ACAN: variants seen among roughly 807,000 people sequenced by gnomAD.
ACAN encodes the protein aggrecan, also known as aggrecan core protein.
ACAN carries 47 observed loss-of-function variants against 169.1 expected under a neutral mutation model. The ratio of observed to expected loss-of-function variants is 0.28; its 90% CI spans 0.22 to 0.35. The LOEUF (loss-of-function observed/expected upper bound fraction) is 0.35. ACAN is among the 10% of genes least tolerant of loss of function. The pLI is 1.00. For synonymous variants in ACAN, 1,115 were observed against 1,112.2 expected, an observed-to-expected ratio of 1.00 and a Z score of -0.05; for missense variants, 2,716 against 2,759.9, an observed-to-expected ratio of 0.98 and a Z score of 0.36.
Position 88,857,720 on chromosome 15 carries a change from G to A in ACAN, c.5135G>A (p.Gly1712Glu), listed in dbSNP as rs760776040. 4.3e-6 allele frequency: 7 copies of A among 1,613,866 alleles called. No homozygotes were observed. The highest frequency in any genetic ancestry group is 5.9e-6 in the Non-Finnish European group (7 of 1,179,906). ...GGGAGAGCTAGTGGACTCCCTTCAG[G>A]AACTGAACTCAGTGGCCAAGCATCT... is the stretch of plus-strand genomic sequence containing the variant. ...ISGRASGLPS[G>E]TELSGQASGS... is the part of the protein sequence containing the mutation. Residue 1712 changes from glycine (G) to glutamate (E), a missense_variant, in exon 12 of 19, where the codon GGA becomes GAA. Physicochemically the swap from Gly to Glu is moderately conservative, Grantham distance 98. Coordinates refer to ENST00000560601, the MANE Select transcript of ACAN (RefSeq NM_001369268.1).
intron 1 of ACAN, among the ~76,000 whole-genome samples, chr15:88,828,177 G>T (rs1184449301): frequency 2.0e-5 from 3 of 152,136 alleles, no homozygotes; most frequent in Non-Finnish European, 4.4e-5. Flanking sequence ...AGGAAGGTGG[G>T]AATAGGTCAG....
Position 88,849,833 on chromosome 15 carries a change from A to C in ACAN, c.2026+102A>C. 2 of 1,486,864 alleles carry C rather than the reference A, an allele frequency of 1.3e-6. No homozygotes were observed. Among genetic ancestry groups the C allele is most frequent in the Admixed American group, 2.0e-5 (1 of 51,196 alleles). 92.1% of individuals were successfully genotyped at this position (1,486,864 alleles called of 1,614,324 possible). The stretch of plus-strand genomic sequence containing the variant: ...CACCCAGTATCCCATCCATCAGAGC[A>C]AGAAAATGTCAGTCCCTCTGGGGCA... On this transcript the variant is annotated intron_variant, in intron 10 of 18. Transcript: ENST00000560601. This position sits in a 1 kb window ranked among gnomAD's most constrained non-coding sequence, Gnocchi z 5.1.
Position 88,873,083 on chromosome 15 carries a change from G to A in ACAN, c.7447+58G>A. The A allele has an allele frequency of 3.2e-6, 5 of 1,574,544 alleles. No individual in the cohort carries two copies. In the South Asian group the frequency reaches 3.5e-5, roughly 11 times the overall value. ...ATAGGATCAAGACCTCCAGCTACAG[G>A]TGAGGCTCTTGCTGTGTGGCCTGGG... On this transcript the variant is annotated intron_variant, in intron 17 of 18. Transcript: ENST00000560601. The surrounding 1 kb of genome is among the most constrained non-coding windows in gnomAD (Gnocchi z 7.5).
intron 13 of ACAN, among the ~76,000 whole-genome samples, chr15:88,862,766 G>A (rs1897220115): frequency 6.6e-6 from 1 of 152,208 alleles, no homozygotes; most frequent in Non-Finnish European, 1.5e-5. Context: ...GGGAGGCCAA[G>A]GCGGATGGAT....
intron 1 of ACAN, among the ~76,000 whole-genome samples, chr15:88,826,472 AC>A (rs1408889579): frequency 1.3e-4 from 7 of 54,874 alleles, no homozygotes; most frequent in African/African-American, 6.2e-4. Context: ...TTTGCAGGGG[AC>A]CCCTGGAGAC....
chr15:88,821,496 G>A (rs905903127), intron 1 of ACAN, among the ~76,000 whole-genome samples: 1 of 152,242 alleles, frequency 6.6e-6, no homozygotes, highest in African/African-American at 2.4e-5. Context: ...GCCCCTGGGG[G>A]TAGATTCACA....
chr15:88,864,600 A>C (rs767369562), intron 13 of ACAN, among the ~76,000 whole-genome samples: 4 of 152,214 alleles, frequency 2.6e-5, no homozygotes, highest in Non-Finnish European at 5.9e-5. Context: ...CTTAAAAGCA[A>C]ATTAGGACTG....
rs987255449 is a variant in ACAN, at chr15:88,831,840, G to A, written c.-7-4360G>A. Among the ~76,000 whole-genome samples the A allele has an allele frequency of 2.6e-5, 4 of 152,190 alleles. No homozygotes were observed. The South Asian group carries it at 8.3e-4, about 32-fold the overall frequency. ...GGGGTAAAGAGAGGTCCAGAAGGCC[G>A]CCACAGGAGGAAGCGTTGGTTGGAG... On this transcript the variant is annotated intron_variant, in intron 1 of 18. Transcript: ENST00000560601.
chr15:88,858,629 G>A lies in ACAN; in HGVS notation c.6044G>A (p.Ser2015Asn). The A allele has an allele frequency of 6.2e-7, 1 of 1,613,958 alleles. No individual in the cohort carries two copies. The highest frequency in any genetic ancestry group is 2.2e-5 in the East Asian group (1 of 44,892). Residue 2015 changes from serine (S) to asparagine (N), a missense_variant, in exon 12 of 19, where the codon AGT becomes AAT. Transcript: ENST00000560601. This position sits in a 1 kb window ranked among gnomAD's most constrained non-coding sequence, Gnocchi z 4.0. Reference protein sequence around the residue: ...SGDFASTTNVSGESSVAMGTS... With the variant: ...SGDFASTTNVNGESSVAMGTS... ...GATTTTGCCAGCACCACCAATGTAA[G>A]TGGAGAATCCTCTGTAGCCATGGGC...
rs763410231 is a variant in ACAN at position 88,839,026 on chromosome 15, C to T, written c.434C>T (p.Thr145Ile). 1.2e-6 allele frequency: 2 copies of T among 1,604,544 alleles called. No individual in the cohort carries two copies. The highest frequency in any genetic ancestry group is 1.7e-6 in the Non-Finnish European group (2 of 1,179,748). Residue 145 changes from threonine to isoleucine, a missense_variant, in exon 3 of 19, where the codon ACC becomes ATC. Physicochemically the swap from Thr to Ile is moderately conservative, Grantham distance 89. Transcript: ENST00000560601. The surrounding 1 kb of genome is among the most constrained non-coding windows in gnomAD (Gnocchi z 4.5). ...CATGGCATCGAGGACAGCGAGGCCACCCTGGAAGTCGTGGTGAAAGGTGAG... is the reference window on the plus strand; with the variant it reads ...CATGGCATCGAGGACAGCGAGGCCATCCTGGAAGTCGTGGTGAAAGGTGAG... ...VMHGIEDSEA[T>I]LEVVVKGIVF...
At chr15:88,842,770 T>G (rs1896697781) in intron 5 of ACAN, among the ~76,000 whole-genome samples, 1 of 152,192 alleles carries the variant, frequency 6.6e-6, no homozygotes, top group Non-Finnish European at 1.5e-5. Flanking sequence ...GAACCACCCC[T>G]GTGAGTGGAT....
rs1482228246 is a variant in ACAN, at chr15:88,855,391, G to A, written c.2806G>A (p.Glu936Lys). ...GTGGCCCAGCACTCCTACGGTTGGTGAACTGCCCTCTGGAGCTGAGATCCT... is the reference window on the plus strand; with the variant it reads ...GTGGCCCAGCACTCCTACGGTTGGTAAACTGCCCTCTGGAGCTGAGATCCT... ...IEWPSTPTVG[E>K]LPSGAEILEG... Residue 936 changes from glutamate to lysine, a missense_variant, in exon 12 of 19, where the codon GAA becomes AAA. Coordinates refer to ENST00000560601, the MANE Select transcript of ACAN (RefSeq NM_001369268.1). 1 of 1,613,280 alleles carries A rather than the reference G, an allele frequency of 6.2e-7. No individual in the cohort carries two copies. Among genetic ancestry groups the A allele is most frequent in the South Asian group, 1.1e-5 (1 of 91,066 alleles).
chr15:88,857,101 G>A lies in ACAN; in HGVS notation c.4516G>A (p.Val1506Ile). Reference sequence around the variant, plus strand: ...GACTTCTGCCTCTGGAATAGAGGATGTCAGTGAACTTCCTTCAGGAGAAGG... The same window carrying A: ...GACTTCTGCCTCTGGAATAGAGGATATCAGTGAACTTCCTTCAGGAGAAGG... ...VETSASGIED[V>I]SELPSGEGLE... is the part of the protein sequence containing the mutation. The change falls in exon 12 of 19, where the codon GTC (valine) becomes ATC (isoleucine). Residue 1506 changes from valine to isoleucine, a missense_variant. Val to Ile is a conservative substitution (Grantham distance 29). This residue lies in a region of ACAN where 1,389 missense variants were observed against 1,363.7 expected (regional missense o/e 1.02). Transcript: ENST00000560601. 3 of 1,606,878 alleles carry A rather than the reference G, an allele frequency of 1.9e-6. No homozygotes were observed. The highest frequency in any genetic ancestry group is 1.7e-6 in the Non-Finnish European group (2 of 1,175,406).
chr15:88,813,367 T>C (rs747529488), intron 1 of ACAN, among the ~76,000 whole-genome samples: 11 of 152,198 alleles, frequency 7.2e-5, no homozygotes, highest in Non-Finnish European at 1.3e-4. Flanking sequence ...TTGTCATATA[T>C]AGGAAATCTG....
At chr15:88,840,375 T>C (rs556174046) in intron 4 of ACAN, among the ~76,000 whole-genome samples, 189 bp downstream of exon 4, 1 of 152,328 alleles carries the variant, frequency 6.6e-6, no homozygotes, top group East Asian at 1.9e-4. Flanking sequence ...ACCCTTGTTA[T>C]TGTGATTCTC....
Position 88,847,203 on chromosome 15 carries a change from G to A in ACAN, c.1430-40G>A, listed in dbSNP as rs12911138. ...CATGGAGCCTTGGAAGCTGCACACC[G>A]TGGGTCCCTGAACCTGACCGCTCCC... On this transcript the variant is annotated intron_variant, in intron 7 of 18. Transcript: ENST00000560601. 0.58 allele frequency: 873,985 copies of A among 1,504,998 alleles called. 260,907 individuals carry two copies. Among genetic ancestry groups the A allele is most frequent in the Non-Finnish European group, 0.62 (696,087 of 1,117,162 alleles). 93.2% of individuals were successfully genotyped at this position (1,504,998 alleles called of 1,614,324 possible).
At position 88,807,747 on chromosome 15, in the gene ACAN, AGTGTGTGTGT is replaced by A. The variant is rs33937048; in HGVS notation, c.-8+3968_-8+3977del. ...CTCAGAGCCTCCTTATAAGTGGTGG[AGTGTGTGTGT>A]GTGTGTGTGTGTGTGTGTGTGTGTG... On this transcript the variant is annotated intron_variant, in intron 1 of 18. Transcript: ENST00000560601. This position sits in a 1 kb window ranked among gnomAD's most constrained non-coding sequence, Gnocchi z 4.0. Among the ~76,000 whole-genome samples, 18 of 142,090 alleles carry A rather than the reference AGTGTGTGTGT, an allele frequency of 1.3e-4. No individual in the cohort carries two copies. The highest frequency in any genetic ancestry group is 2.8e-4 in the Admixed American group (4 of 14,450). The allele number at this position is 142,090 out of a possible 152,430, so 93.2% of individuals were successfully genotyped here.
intron 1 of ACAN, among the ~76,000 whole-genome samples, chr15:88,832,937 G>A (rs1308082497): frequency 1.3e-5 from 2 of 152,196 alleles, no homozygotes; most frequent in South Asian, 4.1e-4. Context: ...CCTGGAGGAG[G>A]GATGATGGCA....
chr15:88,839,973 AC>A lies in ACAN; in HGVS notation c.455-37del, dbSNP rs746745980. On this transcript the variant is annotated intron_variant, in intron 3 of 18. Coordinates refer to ENST00000560601, the MANE Select transcript of ACAN (RefSeq NM_001369268.1). The surrounding 1 kb of genome is among the most constrained non-coding windows in gnomAD (Gnocchi z 4.5). ...CCTCGGTGATCAGAGACTGTGCCTG[AC>A]CAGCTCTTCCGCTTGTGGGCGTGTA... 8.9e-6 allele frequency: 14 copies of A among 1,569,568 alleles called. No individual in the cohort carries two copies. Among genetic ancestry groups the A allele is most frequent in the African/African-American group, 4.1e-5 (3 of 73,988 alleles).
Sources: gnomAD v4.1 joint callset for allele counts (sites outside exome capture counted in the v4.1 genomes callset) on GRCh38, gnomAD v4.1.1 for gene constraint, gnomAD v4.1.1 regional missense constraint, Gnocchi (gnomAD v3.1) non-coding constraint, MANE v1.5 for transcripts, NCBI Gene and HGNC (gene_info 2026-07-23, HGNC 2026-07-21) for gene names.